Variants in PCDH11X observed in about 807,000 individuals in gnomAD.
PCDH11X encodes the protein protocadherin-11 X-linked.
In PCDH11X, 18 loss-of-function variants were observed where a neutral mutation model predicts 53.3. The observed-to-expected ratio is 0.34, with a 90% CI of 0.23 to 0.50. The LOEUF (loss-of-function observed/expected upper bound fraction) is 0.50. Among genes scored for constraint, PCDH11X ranks in the 20% least tolerant of loss-of-function variants. The pLI is 0.98. For missense variants in PCDH11X, 570 were observed against 1,032.4 expected, an observed-to-expected ratio of 0.55 and a Z score of 6.14; for synonymous variants, 279 against 393.3, an observed-to-expected ratio of 0.71 and a Z score of 3.44.
At chrX:92,096,229 A>C (rs1191562356) in intron 6 of PCDH11X, among the ~76,000 whole-genome samples, 1 of 111,424 alleles carries the variant, frequency 9.0e-6, no homozygotes, top group South Asian at 3.8e-4. Flanking sequence ...ATCAAGGGAG[A>C]GTCTGTCTAC....
At chrX:92,163,170 C>A in intron 6 of PCDH11X, among the ~76,000 whole-genome samples, 1 of 109,177 alleles carries the variant, frequency 9.2e-6, no homozygotes, top group South Asian at 4.1e-4. Flanking sequence ...AAAGGCCTGT[C>A]TCACTCCCAC....
At chrX:92,207,383 T>C in intron 7 of PCDH11X, among the ~76,000 whole-genome samples, 1 of 111,670 alleles carries the variant, frequency 9.0e-6, no homozygotes. Flanking sequence ...TCCCTTCCCC[T>C]GATTCATGGC....
chrX:91,864,376 T>TTTTG (rs1556297335), intron 5 of PCDH11X, among the ~76,000 whole-genome samples: 1 of 94,794 alleles, frequency 1.1e-5, no homozygotes, highest in Non-Finnish European at 2.0e-5. Flanking sequence ...TGGAGCTCCA[T>TTTTG]TGTGTGTGTG....
intron 7 of PCDH11X, among the ~76,000 whole-genome samples, chrX:92,239,843 A>G (rs774794822): frequency 3.6e-5 from 4 of 112,067 alleles, no homozygotes; most frequent in Non-Finnish European, 5.6e-5. Context: ...CCAGAGACCA[A>G]TGCTTATTAC....
At chrX:91,829,230 G>A (rs1315707365) in intron 4 of PCDH11X, among the ~76,000 whole-genome samples, 3 of 108,442 alleles carry the variant, frequency 2.8e-5, no homozygotes, top group Non-Finnish European at 5.7e-5. Context: ...ATTAATTCAT[G>A]GAATAGTGAC....
intron 6 of PCDH11X, among the ~76,000 whole-genome samples, chrX:91,886,066 G>A (rs111287414): frequency 0.11 from 12,382 of 111,072 alleles, 1,737 homozygotes; most frequent in African/African-American, 0.39. Flanking sequence ...ATTGAAACTA[G>A]TTTTCCACAA....
At position 92,238,185 on chromosome X, in the gene PCDH11X, T is replaced by C. The variant is rs182402006; in HGVS notation, c.3115-24929T>C. Among the ~76,000 whole-genome samples the C allele has an allele frequency of 1.5e-3, 169 of 111,999 alleles. 1 individual carries two copies. The highest frequency in any genetic ancestry group is 5.1e-3 in the African/African-American group (159 of 30,977). On this transcript the variant is annotated intron_variant, in intron 7 of 10. Transcript: ENST00000682573. ...TAAAAAAACTTTAAAATGCATCTTG[T>C]GACTTTGAAAACATTGGTTATTTGT...
chrX:92,397,256 G>T (rs1409651858), intron 9 of PCDH11X, among the ~76,000 whole-genome samples: 17 of 79,200 alleles, frequency 2.1e-4, no homozygotes, highest in Non-Finnish European at 4.0e-4. Flanking sequence ...AGGTTCACTT[G>T]GCTCACTATA....
chrX:92,180,861 C>CTT (rs149189638), intron 6 of PCDH11X, among the ~76,000 whole-genome samples: 136 of 101,161 alleles, frequency 1.3e-3, no homozygotes, highest in Middle Eastern at 5.2e-3. Flanking sequence ...TCCATTAAAA[C>CTT]TTTTTTTTTT....
At chrX:92,180,631 T>G (rs1446092414) in intron 6 of PCDH11X, among the ~76,000 whole-genome samples, 1 of 111,545 alleles carries the variant, frequency 9.0e-6, no homozygotes, top group East Asian at 2.8e-4. Flanking sequence ...TCCCATATGT[T>G]GTGGGAGGGA....
At chrX:92,023,470 G>C (rs1176557990) in intron 6 of PCDH11X, among the ~76,000 whole-genome samples, 2 of 110,432 alleles carry the variant, frequency 1.8e-5, no homozygotes. Context: ...CCAGGAAGAA[G>C]TAGAATCCCT....
chrX:91,976,235 CT>C (rs1171403546), intron 6 of PCDH11X, among the ~76,000 whole-genome samples: 1 of 111,474 alleles, frequency 9.0e-6, no homozygotes, highest in East Asian at 2.8e-4. Flanking sequence ...ATGATTTTTG[CT>C]TGGCTCCTGA....
At chrX:92,444,044 GT>G (rs995224283) in intron 9 of PCDH11X, among the ~76,000 whole-genome samples, 6 of 109,149 alleles carry the variant, frequency 5.5e-5, no homozygotes, top group African/African-American at 2.0e-4. Flanking sequence ...TTTTAGAATA[GT>G]TTTTTTTTCT....
At chrX:91,905,242 G>A (rs1254596594) in intron 6 of PCDH11X, among the ~76,000 whole-genome samples, 1 of 108,555 alleles carries the variant, frequency 9.2e-6, no homozygotes, top group Non-Finnish European at 1.9e-5. Flanking sequence ...CTCTTTTACT[G>A]CCTCAGCTTC....
At position 91,955,014 on chromosome X, in the gene PCDH11X, A is replaced by G. The variant is rs968869218; in HGVS notation, c.3033+75741A>G. Among the ~76,000 whole-genome samples, 6 of 110,948 alleles carry G rather than the reference A, an allele frequency of 5.4e-5. No homozygotes were observed. The South Asian group carries it at 1.1e-3, about 21-fold the overall frequency. On this transcript the variant is annotated intron_variant, in intron 6 of 10. Coordinates refer to ENST00000682573, the MANE Select transcript of PCDH11X (RefSeq NM_032968.5). ...AGCCATTGCTTTTGGCATTTTCATCATGAAATCTTTGCTTGCACCTATGTC... is the reference window on the plus strand; with the variant it reads ...AGCCATTGCTTTTGGCATTTTCATCGTGAAATCTTTGCTTGCACCTATGTC...
intron 6 of PCDH11X, among the ~76,000 whole-genome samples, chrX:91,911,270 C>T (rs2147802416): frequency 9.2e-6 from 1 of 108,683 alleles, no homozygotes; most frequent in Admixed American, 9.9e-5. Context: ...GTTCTATTCC[C>T]CTGTTATTTC....
At chrX:92,596,140 G>T (rs1330399983) in intron 10 of PCDH11X, among the ~76,000 whole-genome samples, 1 of 111,960 alleles carries the variant, frequency 8.9e-6, no homozygotes, top group Non-Finnish European at 1.9e-5. Flanking sequence ...ACAACCTATG[G>T]TTTGTTGTTC....
At chrX:92,172,195 A>G (rs1000610270) in intron 6 of PCDH11X, among the ~76,000 whole-genome samples, 5 of 110,053 alleles carry the variant, frequency 4.5e-5, no homozygotes, top group African/African-American at 1.7e-4. Flanking sequence ...GTGTAAAAGC[A>G]TATATCCTCT....
At chrX:92,251,063 T>TAA (rs1297490543) in intron 7 of PCDH11X, among the ~76,000 whole-genome samples, 1 of 111,362 alleles carries the variant, frequency 9.0e-6, no homozygotes, top group African/African-American at 3.3e-5. Flanking sequence ...AACATATATA[T>TAA]AACTCTTACA....
Sources: allele counts gnomAD v4.1 joint callset (sites outside exome capture counted in the v4.1 genomes callset), GRCh38; gene constraint gnomAD v4.1.1; transcripts MANE v1.5; gene names NCBI Gene and HGNC (gene_info 2026-07-23, HGNC 2026-07-21).